The following CCDC60 variants were observed in gnomAD, a reference collection of about 807,000 sequenced individuals.
CCDC60 encodes coiled-coil domain-containing protein 60.
CCDC60 carries 54 observed loss-of-function variants against 63.5 expected under a neutral mutation model. The ratio of observed to expected loss-of-function variants is 0.85; its 90% CI spans 0.68 to 1.07. CCDC60 has a LOEUF of 1.07. Ranked by LOEUF, CCDC60 falls within the 50% of genes least tolerant of loss-of-function variation. The pLI, the probability that CCDC60 is intolerant of heterozygous loss-of-function variation, is 0.00. For missense variants in CCDC60, 651 were observed against 684.3 expected (o/e 0.95, Z 0.54); for synonymous variants, 206 against 238.8 (o/e 0.86, Z 1.27).
At chr12:119,464,490 T>A (rs1950916776) in intron 2 of CCDC60, among the ~76,000 whole-genome samples, 1 of 150,650 alleles carries the variant, frequency 6.6e-6, no homozygotes, top group East Asian at 2.0e-4. Flanking sequence ...AGTAGAACAC[T>A]GTAAACTAAA....
At chr12:119,480,801 C>T (rs1039465877) in intron 4 of CCDC60, among the ~76,000 whole-genome samples, 6 of 148,334 alleles carry the variant, frequency 4.0e-5, no homozygotes, top group African/African-American at 1.5e-4. Context: ...TCACCACCAT[C>T]GTCACCATCA....
chr12:119,482,083 CATAT>C (rs143208719), intron 4 of CCDC60, among the ~76,000 whole-genome samples: 1 of 137,008 alleles, frequency 7.3e-6, no homozygotes, highest in Non-Finnish European at 1.6e-5. Context: ...ACTACTCATC[CATAT>C]ATATATATAT....
At chr12:119,385,154 G>C (rs1956047681) in intron 1 of CCDC60, among the ~76,000 whole-genome samples, 1 of 152,252 alleles carries the variant, frequency 6.6e-6, no homozygotes, top group Non-Finnish European at 1.5e-5. Context: ...GACAAGGACT[G>C]TGCTGGAAAT....
intron 2 of CCDC60, among the ~76,000 whole-genome samples, chr12:119,463,449 T>C (rs1266321799): frequency 6.6e-6 from 1 of 152,258 alleles, no homozygotes; most frequent in Admixed American, 6.5e-5. Context: ...GCTCTGCTTC[T>C]TTCCAGCTCT....
At chr12:119,356,960 GT>G (rs957008610) in intron 1 of CCDC60, among the ~76,000 whole-genome samples, 1 of 152,182 alleles carries the variant, frequency 6.6e-6, no homozygotes, top group African/African-American at 2.4e-5. Flanking sequence ...AGTTTTATAA[GT>G]TTTTACACAG....
At position 119,523,327 on chromosome 12, in the gene CCDC60, C is replaced by T. The variant is rs945184656; in HGVS notation, c.1103+326C>T. Among the ~76,000 whole-genome samples, 7 of 152,326 alleles carry T rather than the reference C, an allele frequency of 4.6e-5. No individual in the cohort carries two copies. The Middle Eastern group carries it at 0.014, about 296-fold the overall frequency. ...AAAGGAGCAGGCTGAAACCTGGCCA[C>T]GTGAAATGTCTTGCCTGAGGCCACA... is the stretch of plus-strand genomic sequence containing the variant. On this transcript the variant is annotated intron_variant, in intron 10 of 13. Coordinates refer to ENST00000327554, the MANE Select transcript of CCDC60 (RefSeq NM_178499.5).
chr12:119,353,992 TCTC>T (rs901619513), intron 1 of CCDC60, among the ~76,000 whole-genome samples: 1 of 151,968 alleles, frequency 6.6e-6, no homozygotes, highest in African/African-American at 2.4e-5. Flanking sequence ...TCTTGCTCTC[TCTC>T]CTCTGTCTTT....
chr12:119,380,930 T>G lies in CCDC60; in HGVS notation c.90+45664T>G, dbSNP rs530412534. 1.9e-3 allele frequency among the ~76,000 whole-genome samples: 289 copies of G among 152,360 alleles called. 1 individual carries two copies. Among genetic ancestry groups the G allele is most frequent in the African/African-American group, 5.7e-3 (239 of 41,584 alleles). Reference sequence around the variant, plus strand: ...AGTAGTAAGTTTACTTTTTATCACGTTTCTAAAATGAGCTCAATTAGAGAC... The same window carrying G: ...AGTAGTAAGTTTACTTTTTATCACGGTTCTAAAATGAGCTCAATTAGAGAC... On this transcript the variant is annotated intron_variant, in intron 1 of 13. Coordinates refer to ENST00000327554, the MANE Select transcript of CCDC60 (RefSeq NM_178499.5).
chr12:119,520,067 C>A, intron 8 of CCDC60, 54 bp from the exon 9 acceptor site: 2 of 1,513,510 alleles, frequency 1.3e-6, no homozygotes, highest in Non-Finnish European at 1.8e-6. Flanking sequence ...GTAGTTACTG[C>A]ACAAAATCTT....
At chr12:119,468,310 A>T (rs75035801) in intron 2 of CCDC60, among the ~76,000 whole-genome samples, 7,175 of 152,034 alleles carry the variant, frequency 0.047, 250 homozygotes, top group African/African-American at 0.1. Context: ...AAAATTTTTT[A>T]AAAAAAAGCC....
chr12:119,435,133 C>T (rs1048756783), intron 2 of CCDC60, among the ~76,000 whole-genome samples: 1 of 152,168 alleles, frequency 6.6e-6, no homozygotes, highest in Non-Finnish European at 1.5e-5. Flanking sequence ...TGTGCATCCA[C>T]ATTCTACAAT....
chr12:119,494,660 C>G (rs552980209), intron 5 of CCDC60, among the ~76,000 whole-genome samples: 1 of 152,254 alleles, frequency 6.6e-6, no homozygotes, highest in African/African-American at 2.4e-5. Context: ...TAAAAGGCAA[C>G]CAACCACACT....
At chr12:119,488,432 C>T (rs960104308) in intron 4 of CCDC60, among the ~76,000 whole-genome samples, 2 of 152,136 alleles carry the variant, frequency 1.3e-5, no homozygotes, top group African/African-American at 4.8e-5. Context: ...TTGTTTCTCT[C>T]CCTGCTATAT....
At chr12:119,449,833 G>A (rs1181248234) in intron 2 of CCDC60, among the ~76,000 whole-genome samples, 4 of 152,070 alleles carry the variant, frequency 2.6e-5, no homozygotes, top group East Asian at 1.9e-4. Flanking sequence ...TGGCGGGGGC[G>A]GGCAGGTAAG....
chr12:119,357,736 G>A (rs1955732833), intron 1 of CCDC60, among the ~76,000 whole-genome samples: 1 of 152,176 alleles, frequency 6.6e-6, no homozygotes, highest in African/African-American at 2.4e-5. Context: ...TTACAGGGGT[G>A]AGCCACCGTG....
chr12:119,475,067 G>T (rs1457285321), intron 3 of CCDC60, among the ~76,000 whole-genome samples: 3 of 152,152 alleles, frequency 2.0e-5, no homozygotes, highest in African/African-American at 7.2e-5. Context: ...TGTGGAAAGG[G>T]TCTCTTCTTT....
intron 6 of CCDC60, among the ~76,000 whole-genome samples, chr12:119,503,844 T>A (rs1438773676): frequency 6.6e-6 from 1 of 152,230 alleles, no homozygotes; most frequent in Non-Finnish European, 1.5e-5. Context: ...GTTGGTGTGG[T>A]CTTCAATGCT....
intron 1 of CCDC60, among the ~76,000 whole-genome samples, chr12:119,425,641 A>T (rs916494561): frequency 1.3e-5 from 2 of 152,196 alleles, no homozygotes; most frequent in African/African-American, 2.4e-5. Context: ...CCTTTCCTCC[A>T]TATCATCTTT....
intron 2 of CCDC60, among the ~76,000 whole-genome samples, chr12:119,444,623 T>G (rs1447602643): frequency 6.6e-6 from 1 of 152,236 alleles, no homozygotes; most frequent in East Asian, 1.9e-4. Context: ...TGTCCTCCAC[T>G]GCCATTGCTT....
Sources: gnomAD v4.1 joint callset for allele counts (sites outside exome capture counted in the v4.1 genomes callset) on GRCh38, gnomAD v4.1.1 for gene constraint, MANE v1.5 for transcripts, NCBI Gene and HGNC (gene_info 2026-07-23, HGNC 2026-07-21) for gene names.